The following CYP27A1 variants were observed in gnomAD, a reference collection of about 807,000 sequenced individuals.
CYP27A1 encodes the protein sterol 26-hydroxylase, mitochondrial.
CYP27A1 carries 46 observed loss-of-function variants against 58.2 expected under a neutral mutation model. That is an observed-to-expected ratio of 0.79 (90% CI 0.62 to 1.01). The LOEUF (loss-of-function observed/expected upper bound fraction) is 1.01, where lower values mean the gene tolerates loss of function less well. Ranked by LOEUF, CYP27A1 falls within the 50% of genes least tolerant of loss-of-function variation. The probability of loss-of-function intolerance (pLI) is 0.00; values close to 1 mark genes in which losing one functional copy is unlikely to be tolerated. For synonymous variants in CYP27A1, 274 were observed against 285.1 expected, an observed-to-expected ratio of 0.96 and a Z score of 0.39; for missense variants, 704 against 687.0, an observed-to-expected ratio of 1.02 and a Z score of -0.28.
rs1050450402 is a variant in CYP27A1 at position 218,807,911 on chromosome 2, A to G, written c.256-1666A>G. Among the ~76,000 whole-genome samples the G allele has an allele frequency of 5.3e-5, 8 of 152,196 alleles. 1 individual carries two copies. Among genetic ancestry groups the G allele is most frequent in the Middle Eastern group, 3.4e-3 (1 of 294 alleles). Reference sequence around the variant, plus strand: ...AGGGGTGAGTCACCATGCCCGGTCCAGTAATCACTTTCACTAGTTTCTTAT... The same window carrying G: ...AGGGGTGAGTCACCATGCCCGGTCCGGTAATCACTTTCACTAGTTTCTTAT... On this transcript the variant is annotated intron_variant, in intron 1 of 8. Coordinates refer to ENST00000258415, the MANE Select transcript of CYP27A1 (RefSeq NM_000784.4).
chr2:218,784,851 TGA>T (rs1368224145), intron 1 of CYP27A1, among the ~76,000 whole-genome samples: 1 of 152,200 alleles, frequency 6.6e-6, no homozygotes, highest in Non-Finnish European at 1.5e-5. Context: ...CACAAAATAC[TGA>T]GAGATGGTTT....
chr2:218,812,973 G>A lies in CYP27A1; in HGVS notation c.894G>A (p.Gln298=). The change falls in exon 5 of 9, where the codon CAG becomes CAA. Residue 298 remains glutamine (Q), a synonymous_variant. Coordinates refer to ENST00000258415, the MANE Select transcript of CYP27A1 (RefSeq NM_000784.4). Reference sequence around the variant, plus strand: ...TCGAAGATATGGAGGCCCAACTGCAGGCAGCAGGGCCAGATGGCATCCAGG... The same window carrying A: ...TCGAAGATATGGAGGCCCAACTGCAAGCAGCAGGGCCAGATGGCATCCAGG... ...EKLEDMEAQL[Q]AAGPDGIQVS... 6.2e-7 allele frequency: 1 copy of A among 1,614,220 alleles called. No individual in the cohort carries two copies. Among genetic ancestry groups the A allele is most frequent in the African/African-American group, 1.3e-5 (1 of 75,072 alleles).
At position 218,809,717 on chromosome 2, in the gene CYP27A1, A is replaced by T; in HGVS notation, c.396A>T (p.Leu132=). 1 of 1,614,066 alleles carries T rather than the reference A, an allele frequency of 6.2e-7. No homozygotes were observed. Among genetic ancestry groups the T allele is most frequent in the Non-Finnish European group, 8.5e-7 (1 of 1,179,966 alleles). Residue 132 remains leucine, a synonymous_variant, in exon 2 of 9, where the codon CTA becomes CTT. Coordinates refer to ENST00000258415, the MANE Select transcript of CYP27A1 (RefSeq NM_000784.4). ...ACCCAGTACGGAACGACATGGAGCTATGGAAGGAGCACCGGGACCAGCACG... is the reference window on the plus strand; with the variant it reads ...ACCCAGTACGGAACGACATGGAGCTTTGGAAGGAGCACCGGGACCAGCACG... ...GKYPVRNDME[L]WKEHRDQHDL...
intron 1 of CYP27A1, among the ~76,000 whole-genome samples, chr2:218,808,131 G>C (rs1343856788): frequency 1.3e-5 from 2 of 152,054 alleles, no homozygotes; most frequent in Non-Finnish European, 2.9e-5. Context: ...CTCATGCTTT[G>C]TTTATAAATT....
At chr2:218,802,028 A>G (rs1943604748) in intron 1 of CYP27A1, among the ~76,000 whole-genome samples, 1 of 150,230 alleles carries the variant, frequency 6.7e-6, no homozygotes, top group South Asian at 2.1e-4. Flanking sequence ...TAGGCCAGCA[A>G]TGACCACGGA....
intron 4 of CYP27A1, 86 bp from the exon 5 acceptor site, chr2:218,812,838 A>T (rs1943738256): frequency 1.9e-6 from 3 of 1,606,678 alleles, no homozygotes; most frequent in Middle Eastern, 1.7e-4. Flanking sequence ...CTTTTCCCTC[A>T]TGCTACCAGT....
chr2:218,783,648 T>A (rs1943415999), intron 1 of CYP27A1, among the ~76,000 whole-genome samples: 1 of 152,116 alleles, frequency 6.6e-6, no homozygotes, highest in African/African-American at 2.4e-5. Context: ...CAACAAAAAG[T>A]TAACTTCACA....
intron 1 of CYP27A1, among the ~76,000 whole-genome samples, chr2:218,793,575 A>T (rs1163114073): frequency 1.3e-5 from 2 of 152,178 alleles, no homozygotes; most frequent in African/African-American, 2.4e-5. Context: ...CAAAAGAGAA[A>T]TATTTCACTT....
At position 218,814,002 on chromosome 2, in the gene CYP27A1, C is replaced by T. The variant is rs1251539185; in HGVS notation, c.1018-19C>T. The T allele has an allele frequency of 1.2e-6, 2 of 1,614,166 alleles. No individual in the cohort carries two copies. The highest frequency in any genetic ancestry group is 1.3e-5 in the African/African-American group (1 of 75,052). ...TTCCTAGAAATCGCCCTCACCTGAT[C>T]TCCCACTCTATCTTCTAGACATCCA... On this transcript the variant is annotated intron_variant, in intron 5 of 8. Coordinates refer to ENST00000258415, the MANE Select transcript of CYP27A1 (RefSeq NM_000784.4).
chr2:218,784,141 G>T (rs1382234112), intron 1 of CYP27A1, among the ~76,000 whole-genome samples: 1 of 152,136 alleles, frequency 6.6e-6, no homozygotes, highest in African/African-American at 2.4e-5. Flanking sequence ...GCAACGAAGG[G>T]CAAAACTGAC....
chr2:218,809,742 G>T lies in CYP27A1; in HGVS notation c.421G>T (p.Asp141Tyr), dbSNP rs746358147. ...ATGGAAGGAGCACCGGGACCAGCAC[G>T]ACCTGACCTATGGGCCGTTCACCAC... is the stretch of plus-strand genomic sequence containing the variant. Reference protein sequence around the residue: ...ELWKEHRDQHDLTYGPFTTEG... With the variant: ...ELWKEHRDQHYLTYGPFTTEG... Residue 141 changes from aspartate (D) to tyrosine (Y), a missense_variant, in exon 2 of 9, where the codon GAC (aspartate) becomes TAC (tyrosine). By Grantham distance (160) the Asp-to-Tyr change is radical. Transcript: ENST00000258415. 1.2e-6 allele frequency: 2 copies of T among 1,613,844 alleles called. No individual in the cohort carries two copies. The highest frequency in any genetic ancestry group is 1.7e-6 in the Non-Finnish European group (2 of 1,179,812).
At chr2:218,807,037 A>ACCT (rs1285630864) in intron 1 of CYP27A1, among the ~76,000 whole-genome samples, 1 of 134,204 alleles carries the variant, frequency 7.5e-6, no homozygotes, top group African/African-American at 2.9e-5. Context: ...GCTCACTGTA[A>ACCT]CCTCCTCCTC....
At chr2:218,791,139 G>A (rs562184635) in intron 1 of CYP27A1, among the ~76,000 whole-genome samples, 22 of 152,234 alleles carry the variant, frequency 1.4e-4, no homozygotes, top group African/African-American at 3.4e-4. Flanking sequence ...CCCAGCTGAG[G>A]GATAAATTTC....
intron 1 of CYP27A1, among the ~76,000 whole-genome samples, chr2:218,790,207 C>T (rs1485315723): frequency 6.6e-6 from 1 of 152,210 alleles, no homozygotes; most frequent in African/African-American, 2.4e-5. Flanking sequence ...GCACATCATT[C>T]ATAGGTTATG....
At chr2:218,802,606 A>C (rs1172720666) in intron 1 of CYP27A1, among the ~76,000 whole-genome samples, 1 of 152,040 alleles carries the variant, frequency 6.6e-6, no homozygotes, top group East Asian at 1.9e-4. Flanking sequence ...GAAAAATAGT[A>C]CTCCATTTCC....
intron 1 of CYP27A1, among the ~76,000 whole-genome samples, chr2:218,808,949 A>G (rs1038047623): frequency 6.6e-6 from 1 of 151,900 alleles, no homozygotes; most frequent in Non-Finnish European, 1.5e-5. Flanking sequence ...TTTTTTTGTC[A>G]TGTTCTTAGA....
At chr2:218,807,775 A>ATT (rs759173020) in intron 1 of CYP27A1, among the ~76,000 whole-genome samples, 3,728 of 143,018 alleles carry the variant, frequency 0.026, 181 homozygotes, top group African/African-American at 0.09. Context: ...TGCCCAGCGA[A>ATT]TTTTTTTTTT....
intron 1 of CYP27A1, among the ~76,000 whole-genome samples, chr2:218,784,785 A>G (rs1490824407): frequency 6.6e-6 from 1 of 152,228 alleles, no homozygotes; most frequent in Non-Finnish European, 1.5e-5. Flanking sequence ...CTTGAATAAA[A>G]TGTTTAAAAC....
At chr2:218,786,655 G>A (rs1943443612) in intron 1 of CYP27A1, among the ~76,000 whole-genome samples, 1 of 152,064 alleles carries the variant, frequency 6.6e-6, no homozygotes. Context: ...TATCTATTCT[G>A]TAGCTCTTTT....
Sources: allele counts gnomAD v4.1 joint callset (sites outside exome capture counted in the v4.1 genomes callset), GRCh38; gene constraint gnomAD v4.1.1; transcripts MANE v1.5; gene names NCBI Gene and HGNC (gene_info 2026-07-23, HGNC 2026-07-21).